Variants in RAPGEF5 observed in about 807,000 individuals in gnomAD.
RAPGEF5 encodes the protein M-Ras-regulated GEF.
A neutral mutation model predicts 125.2 loss-of-function variants in RAPGEF5; 65 were observed. The ratio of observed to expected loss-of-function variants is 0.52; its 90% confidence interval spans 0.43 to 0.64. The LOEUF is 0.64. RAPGEF5 is among the 30% of genes least tolerant of loss of function. RAPGEF5 has a pLI of 0.00. For missense variants in RAPGEF5, 958 were observed against 1,048.1 expected (o/e 0.91, Z 1.19); for synonymous variants, 391 against 385.9 (o/e 1.01, Z -0.16).
At chr7:22,247,750 A>T (rs531889800) in intron 7 of RAPGEF5, among the ~76,000 whole-genome samples, 4 of 81,662 alleles carry the variant, frequency 4.9e-5, no homozygotes, top group Non-Finnish European at 8.2e-5. Context: ...TGGACTGGAT[A>T]AAAAAAAAAA....
chr7:22,290,720 G>C (rs1418762113), intron 6 of RAPGEF5, among the ~76,000 whole-genome samples: 2 of 147,794 alleles, frequency 1.4e-5, no homozygotes, highest in Non-Finnish European at 1.5e-5. Flanking sequence ...ACTCCAGCCT[G>C]GGCGACAGAG....
intron 11 of RAPGEF5, chr7:22,192,040 G>T (rs1785012509): frequency 6.0e-6 from 1 of 167,158 alleles, no homozygotes; most frequent in Non-Finnish European, 1.3e-5. Context: ...AAAGCAGTCT[G>T]GTAATCAGTA....
At position 22,308,487 on chromosome 7, in the gene RAPGEF5, G is replaced by C; in HGVS notation, c.532C>G (p.Gln178Glu). 6.4e-7 allele frequency: 1 copy of C among 1,556,980 alleles called. No individual in the cohort carries two copies. ...AACTGGTAGAAAACATAAGTATCTT[G>C]AAAGTATAGATGCTGGTCCACTGTT... ...MLSVDQHLYF[Q>E]DTYVFYQFSS... Residue 178 changes from glutamine (Q) to glutamate (E), a missense_variant, in exon 5 of 26, where the codon CAA becomes GAA. By Grantham distance (29) the Gln-to-Glu change is conservative. Transcript: ENST00000665637.
At chr7:22,167,201 A>G (rs1396714007) in intron 11 of RAPGEF5, 53 bp from the exon 12 acceptor site, 1 of 1,385,696 alleles carries the variant, frequency 7.2e-7, no homozygotes, top group Non-Finnish European at 1.0e-6. Context: ...GGATAAGAAG[A>G]GCAGCTGCTT....
chr7:22,301,163 A>C (rs1415244783), intron 5 of RAPGEF5, among the ~76,000 whole-genome samples: 1 of 152,224 alleles, frequency 6.6e-6, no homozygotes, highest in Non-Finnish European at 1.5e-5. Flanking sequence ...TAATCAATAC[A>C]AGAGATAGGC....
intron 1 of RAPGEF5, among the ~76,000 whole-genome samples, chr7:22,326,863 G>A (rs1351342445): frequency 6.6e-6 from 1 of 152,144 alleles, no homozygotes; most frequent in Non-Finnish European, 1.5e-5. Context: ...TAGATCTTAC[G>A]TTAAGTGCTC....
Position 22,154,455 on chromosome 7 carries a change from C to G in RAPGEF5, c.1786G>C (p.Glu596Gln). 6.2e-7 allele frequency: 1 copy of G among 1,613,438 alleles called. No individual in the cohort carries two copies. Among genetic ancestry groups the G allele is most frequent in the Middle Eastern group, 1.7e-4 (1 of 6,046 alleles). Residue 596 changes from glutamate to glutamine, a missense_variant and splice_region_variant, in exon 17 of 26, where the codon GAA (glutamate) becomes CAA (glutamine). By Grantham distance (29) the Glu-to-Gln change is conservative. Coordinates refer to ENST00000665637, the MANE Select transcript of RAPGEF5 (RefSeq NM_012294.5). ...TATTCAAGGGTAGAAAACAACTTAC[C>G]CCCAGAGAATGTGATGGCCACCAGA... The part of the protein sequence containing the change: ...LALVAITFSG[E>Q]KHELQPNDLV...
At chr7:22,152,879 A>G (rs1783673965) in intron 17 of RAPGEF5, among the ~76,000 whole-genome samples, 1 of 152,240 alleles carries the variant, frequency 6.6e-6, no homozygotes, top group Admixed American at 6.5e-5. Flanking sequence ...AAATAATGGC[A>G]CATTGCCAAA....
At chr7:22,266,917 C>T (rs1362271213) in intron 7 of RAPGEF5, 47 bp downstream of exon 7, 5 of 1,545,746 alleles carry the variant, frequency 3.2e-6, no homozygotes, top group South Asian at 1.1e-5. Flanking sequence ...TGTGAAATAC[C>T]CCCAAAGAAT....
chr7:22,240,217 A>T (rs1219468460), intron 7 of RAPGEF5, among the ~76,000 whole-genome samples: 1 of 151,908 alleles, frequency 6.6e-6, no homozygotes, highest in Non-Finnish European at 1.5e-5. Flanking sequence ...CTCAAAAAAA[A>T]AAAAAAAAAA....
Position 22,131,113 on chromosome 7 carries a change from A to G in RAPGEF5, c.2417-12T>C, listed in dbSNP as rs1285054319. 1 of 1,528,630 alleles carries G rather than the reference A, an allele frequency of 6.5e-7. No individual in the cohort carries two copies. Among genetic ancestry groups the G allele is most frequent in the South Asian group, 1.3e-5 (1 of 79,238 alleles). The allele number at this position is 1,528,630 out of a possible 1,614,324, so 94.7% of individuals were successfully genotyped here. Reference sequence around the variant, plus strand: ...AATAAATGTTACATCTGAAAATTAAAAACAAAAAGATGTATGTATCATTAG... The same window carrying G: ...AATAAATGTTACATCTGAAAATTAAGAACAAAAAGATGTATGTATCATTAG... On this transcript the variant is annotated splice_polypyrimidine_tract_variant and intron_variant, in intron 23 of 25. Transcript: ENST00000665637.
intron 1 of RAPGEF5, among the ~76,000 whole-genome samples, chr7:22,338,238 T>A (rs1328766091): frequency 6.6e-6 from 1 of 152,174 alleles, no homozygotes; most frequent in Non-Finnish European, 1.5e-5. Context: ...ACGCAGCACA[T>A]AAAATAAGTC....
chr7:22,292,080 G>T (rs1234781354), intron 5 of RAPGEF5, among the ~76,000 whole-genome samples: 1 of 152,192 alleles, frequency 6.6e-6, no homozygotes, highest in Non-Finnish European at 1.5e-5. Flanking sequence ...TTCAATGTAT[G>T]CTGTGGACAG....
In RAPGEF5 at chr7:22,203,679, G is replaced by C. The variant is rs144501191; in HGVS notation, c.997-9646C>G. ...ATTCGCCCTGGTTAGAAGGCCCGAGGGAATAGGTGAAGGGTCAGCCAAACT... is the reference window on the plus strand; with the variant it reads ...ATTCGCCCTGGTTAGAAGGCCCGAGCGAATAGGTGAAGGGTCAGCCAAACT... On this transcript the variant is annotated intron_variant, in intron 9 of 25. Coordinates refer to ENST00000665637, the MANE Select transcript of RAPGEF5 (RefSeq NM_012294.5). Among the ~76,000 whole-genome samples, 17 of 152,282 alleles carry C rather than the reference G, an allele frequency of 1.1e-4. No individual in the cohort carries two copies. In the East Asian group the frequency reaches 3.1e-3, roughly 28 times the overall value.
chr7:22,299,048 A>T (rs1161991209), intron 5 of RAPGEF5, among the ~76,000 whole-genome samples: 2 of 143,220 alleles, frequency 1.4e-5, no homozygotes, highest in Non-Finnish European at 3.0e-5. Flanking sequence ...GAACCAACTT[A>T]GTTTCATTAT....
At chr7:22,191,377 TG>T in intron 11 of RAPGEF5, 1 of 346,480 alleles carries the variant, frequency 2.9e-6, no homozygotes. Context: ...TCTCCAAAGT[TG>T]ACTTTTCCAT....
chr7:22,335,628 GGA>G (rs1477180271), intron 1 of RAPGEF5, among the ~76,000 whole-genome samples: 1 of 150,850 alleles, frequency 6.6e-6, no homozygotes, highest in African/African-American at 2.4e-5. Flanking sequence ...TAGGGTGGGG[GGA>G]CACACAGAAT....
intron 25 of RAPGEF5, among the ~76,000 whole-genome samples, chr7:22,123,274 T>G (rs1782637928): frequency 6.6e-6 from 1 of 152,114 alleles, no homozygotes; most frequent in Non-Finnish European, 1.5e-5. Flanking sequence ...CTAGCGTCCG[T>G]GCTGATAAGG....
intron 17 of RAPGEF5, 115 bp downstream of exon 17, chr7:22,154,340 T>G (rs1783729397): frequency 8.3e-7 from 1 of 1,206,170 alleles, no homozygotes; most frequent in Admixed American, 2.5e-5. Flanking sequence ...ACTGTGGTCA[T>G]CCAGCTGCGG....
Sources: gnomAD v4.1 joint callset for allele counts (sites outside exome capture counted in the v4.1 genomes callset) on GRCh38, gnomAD v4.1.1 for gene constraint, MANE v1.5 for transcripts, NCBI Gene and HGNC (gene_info 2026-07-23, HGNC 2026-07-21) for gene names.